The following MED12L variants were observed in gnomAD, a reference collection of about 807,000 sequenced individuals.
MED12L encodes mediator of RNA polymerase II transcription subunit 12-like protein.
Under a neutral mutation model 281.3 loss-of-function variants are expected in MED12L, and 60 were observed. The observed-to-expected ratio is 0.21, with a 90% CI of 0.17 to 0.26. The LOEUF (loss-of-function observed/expected upper bound fraction) is 0.26, where lower values mean the gene tolerates loss of function less well. Ranked by LOEUF, MED12L falls within the 10% of genes least tolerant of loss-of-function variation. The probability of loss-of-function intolerance (pLI) is 1.00; values close to 1 mark genes in which losing one functional copy is unlikely to be tolerated. For synonymous variants in MED12L, 974 were observed against 987.2 expected, an observed-to-expected ratio of 0.99 and a Z score of 0.25; for missense variants, 2,146 against 2,680.9, an observed-to-expected ratio of 0.80 and a Z score of 4.41.
chr3:151,196,863 A>C (rs1281354000), intron 16 of MED12L, among the ~76,000 whole-genome samples: 1 of 152,210 alleles, frequency 6.6e-6, no homozygotes, highest in African/African-American at 2.4e-5. Flanking sequence ...ATAATTTGTG[A>C]AATGCAAAAA....
In MED12L at chr3:151,432,941, CAAAAAA is replaced by C; in HGVS notation, c.*145_*150del. ...TTACTATATTTTATGCTACATCTCA[CAAAAAA>C]AAAAAAAGGTGTTTAAACAAAAAGC... is the stretch of plus-strand genomic sequence containing the variant. On this transcript the variant is annotated 3_prime_UTR_variant, in exon 45 of 45. Transcript: ENST00000687756. The C allele has an allele frequency of 6.4e-6, 3 of 468,392 alleles. No homozygotes were observed. Among genetic ancestry groups the C allele is most frequent in the Non-Finnish European group, 7.2e-6 (2 of 277,366 alleles). 29.0% of individuals were successfully genotyped at this position (468,392 alleles called of 1,614,324 possible).
intron 11 of MED12L, among the ~76,000 whole-genome samples, chr3:151,170,849 G>A (rs1721335402): frequency 6.6e-6 from 1 of 152,152 alleles, no homozygotes; most frequent in South Asian, 2.1e-4. Context: ...TATGTATAAG[G>A]CAGCCTGGAG....
intron 38 of MED12L, among the ~76,000 whole-genome samples, chr3:151,394,272 G>GAAT (rs1358367895): frequency 6.6e-6 from 1 of 152,182 alleles, no homozygotes; most frequent in East Asian, 1.9e-4. Context: ...GGATTTATAT[G>GAAT]AATGGCTTAA....
chr3:151,261,850 G>A (rs1357372996), intron 16 of MED12L, among the ~76,000 whole-genome samples: 12 of 152,054 alleles, frequency 7.9e-5, no homozygotes, highest in Middle Eastern at 3.4e-3. Flanking sequence ...TCAGCCTCCC[G>A]AGTAGCTGGG....
chr3:151,226,871 A>T (rs1233484974), intron 16 of MED12L, among the ~76,000 whole-genome samples: 1 of 152,216 alleles, frequency 6.6e-6, no homozygotes, highest in East Asian at 1.9e-4. Flanking sequence ...TCGGACTATC[A>T]TGAATGGTGA....
chr3:151,435,655 A>G lies in MED12L; in HGVS notation c.*2851A>G, dbSNP rs1720076375. The G allele has an allele frequency of 6.6e-6, 1 of 152,174 alleles. No individual in the cohort carries two copies. The highest frequency in any genetic ancestry group is 6.5e-5 in the Admixed American group (1 of 15,284). The allele number at this position is 152,174 out of a possible 1,614,324, so 9.4% of individuals were successfully genotyped here. On this transcript the variant is annotated 3_prime_UTR_variant, in exon 45 of 45. Transcript: ENST00000687756. Reference sequence around the variant, plus strand: ...AAGTACTAGGTGAATGTTTGAATAGATGCTGGAGAAATTACACTGGAAAAC... The same window carrying G: ...AAGTACTAGGTGAATGTTTGAATAGGTGCTGGAGAAATTACACTGGAAAAC...
intron 16 of MED12L, among the ~76,000 whole-genome samples, chr3:151,219,826 C>T (rs1404649297): frequency 2.7e-5 from 4 of 150,722 alleles, no homozygotes. Flanking sequence ...TGGTTGCAGC[C>T]TCTTGTGGGA....
At chr3:151,416,666 C>G (rs1216812391) in intron 43 of MED12L, among the ~76,000 whole-genome samples, 7 of 152,128 alleles carry the variant, frequency 4.6e-5, no homozygotes, top group African/African-American at 1.7e-4. Context: ...TCGGACTGTT[C>G]CACAGACAAA....
At chr3:151,152,677 A>C (rs1718716416) in intron 5 of MED12L, among the ~76,000 whole-genome samples, 1 of 152,176 alleles carries the variant, frequency 6.6e-6, no homozygotes, top group Non-Finnish European at 1.5e-5. Flanking sequence ...TCTGAGGCAT[A>C]TGTATATTAT....
intron 16 of MED12L, among the ~76,000 whole-genome samples, chr3:151,308,557 A>T (rs956270123): frequency 1.3e-5 from 2 of 152,184 alleles, no homozygotes; most frequent in Admixed American, 1.3e-4. Flanking sequence ...TCAAGACTCC[A>T]GGTAAAGTCT....
chr3:151,426,608 G>T (rs552630617), intron 43 of MED12L, among the ~76,000 whole-genome samples: 2 of 152,232 alleles, frequency 1.3e-5, no homozygotes, highest in South Asian at 2.1e-4. Flanking sequence ...AAATTTCTTG[G>T]CCTCAGAATC....
intron 4 of MED12L, among the ~76,000 whole-genome samples, chr3:151,126,811 G>GT (rs1305539252): frequency 1.3e-5 from 2 of 152,112 alleles, no homozygotes; most frequent in Non-Finnish European, 2.9e-5. Flanking sequence ...TCATGTAATT[G>GT]TTTTGCTTTA....
At chr3:151,264,379 A>G (rs1739450397) in intron 16 of MED12L, among the ~76,000 whole-genome samples, 1 of 152,350 alleles carries the variant, frequency 6.6e-6, no homozygotes, top group Admixed American at 6.5e-5. Flanking sequence ...TCTTCTCACG[A>G]GGGCAGTAGG....
At chr3:151,223,249 A>G (rs914671370) in intron 16 of MED12L, among the ~76,000 whole-genome samples, 1 of 151,386 alleles carries the variant, frequency 6.6e-6, no homozygotes, top group Non-Finnish European at 1.5e-5. Context: ...GTGGGATTGT[A>G]AATTAGTTCA....
intron 4 of MED12L, 73 bp from the exon 5 acceptor site, chr3:151,127,752 C>G: frequency 7.4e-6 from 8 of 1,076,922 alleles, no homozygotes; most frequent in Non-Finnish European, 1.1e-5. Flanking sequence ...TTTTGCTTCC[C>G]CTTTATTTAG....
At chr3:151,334,191 TCTTTC>T (rs1560040891) in intron 16 of MED12L, among the ~76,000 whole-genome samples, 1 of 82,734 alleles carries the variant, frequency 1.2e-5, no homozygotes, top group Non-Finnish European at 2.3e-5. Context: ...TTTCTTTCTT[TCTTTC>T]TTTTTTTTTT....
chr3:151,252,435 G>A (rs895307557), intron 16 of MED12L, among the ~76,000 whole-genome samples: 2 of 152,082 alleles, frequency 1.3e-5, no homozygotes, highest in Non-Finnish European at 2.9e-5. Flanking sequence ...TTGTCTGCCA[G>A]TTGTTTCTCC....
chr3:151,425,607 A>G (rs946232149), intron 43 of MED12L: 6 of 455,456 alleles, frequency 1.3e-5, no homozygotes, highest in African/African-American at 8.0e-5. Context: ...TCAGCAAACA[A>G]TGGTATTTCC....
chr3:151,183,779 G>T (rs1194271762), intron 11 of MED12L, among the ~76,000 whole-genome samples: 2 of 152,058 alleles, frequency 1.3e-5, no homozygotes, highest in Non-Finnish European at 1.5e-5. Context: ...AAAATCACCT[G>T]TTTCTTGTAG....
Sources: allele counts gnomAD v4.1 joint callset (sites outside exome capture counted in the v4.1 genomes callset), GRCh38; gene constraint gnomAD v4.1.1; transcripts MANE v1.5; gene names NCBI Gene and HGNC (gene_info 2026-07-23, HGNC 2026-07-21).